Variants in VPS8 observed in about 807,000 individuals in gnomAD.
VPS8 encodes the protein vacuolar protein sorting-associated protein 8 homolog.
Under a neutral mutation model 216.4 loss-of-function variants are expected in VPS8, and 129 were observed. The observed-to-expected ratio is 0.60, with a 90% CI of 0.52 to 0.69. The LOEUF (loss-of-function observed/expected upper bound fraction) is 0.69, where lower values mean the gene tolerates loss of function less well. Among genes scored for constraint, VPS8 ranks in the 30% least tolerant of loss-of-function variants. VPS8 has a pLI of 0.00. For synonymous variants in VPS8, 571 were observed against 565.4 expected, an observed-to-expected ratio of 1.01 and a Z score of -0.14; for missense variants, 1,531 against 1,683.5, an observed-to-expected ratio of 0.91 and a Z score of 1.59.
At chr3:185,014,829 T>A (rs1438982053) in intron 45 of VPS8, among the ~76,000 whole-genome samples, 1 of 152,204 alleles carries the variant, frequency 6.6e-6, no homozygotes, top group Non-Finnish European at 1.5e-5. Context: ...AGCTAGAGCT[T>A]GGCTAGTATA....
intron 40 of VPS8, among the ~76,000 whole-genome samples, chr3:184,981,081 C>T (rs1750121286): frequency 6.6e-6 from 1 of 152,178 alleles, no homozygotes; most frequent in Non-Finnish European, 1.5e-5. Flanking sequence ...GGGGCCAAGG[C>T]TCAGCTCAGC....
intron 1 of VPS8, among the ~76,000 whole-genome samples, chr3:184,814,677 G>C (rs1715919897): frequency 6.6e-6 from 1 of 152,202 alleles, no homozygotes; most frequent in Non-Finnish European, 1.5e-5. Flanking sequence ...GGAGTTTGCA[G>C]GACTGGAAGT....
intron 29 of VPS8, among the ~76,000 whole-genome samples, chr3:184,923,444 C>T (rs909402831): frequency 6.6e-6 from 1 of 152,174 alleles, no homozygotes; most frequent in Admixed American, 6.5e-5. Context: ...TACTTAAGAG[C>T]CCTTTAGTCT....
chr3:184,893,446 A>T (rs1332031200), intron 22 of VPS8: 3 of 869,540 alleles, frequency 3.5e-6, no homozygotes, highest in African/African-American at 1.8e-5. Context: ...TGTATTTTTT[A>T]AAAAACAGAA....
chr3:184,955,852 G>A (rs1745499066), intron 36 of VPS8, among the ~76,000 whole-genome samples: 1 of 151,814 alleles, frequency 6.6e-6, no homozygotes, highest in Non-Finnish European at 1.5e-5. Context: ...ATGTGGTTGG[G>A]GACACACATA....
rs930393670 is a variant in VPS8, at chr3:184,999,843, A to T, written c.3984A>T (p.Gly1328=). 6 of 1,611,386 alleles carry T rather than the reference A, an allele frequency of 3.7e-6. No individual in the cohort carries two copies. Among genetic ancestry groups the T allele is most frequent in the Non-Finnish European group, 4.2e-6 (5 of 1,178,928 alleles). ...AAAATTCATCTGAAATTAAAAAGGG[A>T]AGGATAACCCCATCACAGGTAAGAC... ...LSENSSEIKK[G]RITPSQVKMS... is the part of the protein sequence containing the mutation. The change falls in exon 45 of 48, where the codon GGA becomes GGT. Residue 1328 remains glycine, a synonymous_variant. Transcript: ENST00000625842.
rs560478884 is a variant in VPS8 at position 185,051,966 on chromosome 3, A to G, written c.4228A>G (p.Ile1410Val). ...GCAGAGTGCTCCTGCTTTCAACAGC[A>G]TCTTCCAGAATGAGAACTTCCAGCT... ...GSQSAPAFNS[I>V]FQNENFQLQL... is the part of the protein sequence containing the mutation. The change falls in exon 48 of 48, where the codon ATC becomes GTC. Residue 1410 changes from isoleucine (I) to valine (V), a missense_variant. Physicochemically the swap from Ile to Val is conservative, Grantham distance 29. Around this residue, in one of 3 missense-constraint regions of VPS8, gnomAD observed 1,318 missense variants for 1,468.4 expected, o/e 0.90. Coordinates refer to ENST00000625842, the MANE Select transcript of VPS8 (RefSeq NM_001009921.3). The G allele has an allele frequency of 6.2e-7, 1 of 1,613,314 alleles. No individual in the cohort carries two copies. Among genetic ancestry groups the G allele is most frequent in the Non-Finnish European group, 8.5e-7 (1 of 1,179,470 alleles).
At chr3:185,031,062 CGT>C (rs1491498412) in intron 46 of VPS8, among the ~76,000 whole-genome samples, 1 of 75,238 alleles carries the variant, frequency 1.3e-5, no homozygotes, top group African/African-American at 7.4e-5. Context: ...TACAGGTTGG[CGT>C]TTTTTTTTTT....
At chr3:184,987,241 A>G (rs962106737) in intron 42 of VPS8, among the ~76,000 whole-genome samples, 3 of 151,902 alleles carry the variant, frequency 2.0e-5, no homozygotes, top group African/African-American at 4.8e-5. Context: ...AGCCTCCCAA[A>G]TGGCTGGGAT....
chr3:184,944,010 G>A lies in VPS8; in HGVS notation c.3035+3767G>A, dbSNP rs143655434. ...TCAACTACTCAGGAGGCTGAGGCAG[G>A]AGAATTGCTTGAACCTGGGAGGCAG... On this transcript the variant is annotated intron_variant, in intron 36 of 47. Transcript: ENST00000625842. Among the ~76,000 whole-genome samples the A allele has an allele frequency of 8.3e-3, 1,255 of 152,044 alleles. 10 individuals are homozygous for A. Among genetic ancestry groups the A allele is most frequent in the Middle Eastern group, 0.024 (7 of 294 alleles).
intron 36 of VPS8, among the ~76,000 whole-genome samples, chr3:184,949,821 A>C (rs561129695): frequency 6.6e-6 from 1 of 152,298 alleles, no homozygotes; most frequent in East Asian, 1.9e-4. Context: ...TGGAAAGCTG[A>C]AAGTTCAGCT....
At chr3:184,937,907 C>T (rs114178275) in intron 35 of VPS8, among the ~76,000 whole-genome samples, 1,606 of 152,220 alleles carry the variant, frequency 0.011, 34 homozygotes, top group African/African-American at 0.037. Flanking sequence ...AAATACGAAA[C>T]GGTTTCACAT....
chr3:184,849,908 G>T (rs943683726), intron 9 of VPS8, 28 bp from the exon 10 acceptor site: 14 of 1,581,496 alleles, frequency 8.9e-6, no homozygotes, highest in Non-Finnish European at 1.2e-5. Context: ...CAATAAATTT[G>T]TTTTTGAAGC....
intron 45 of VPS8, among the ~76,000 whole-genome samples, chr3:185,000,245 G>A (rs1209460141): frequency 3.9e-5 from 6 of 152,138 alleles, no homozygotes; most frequent in African/African-American, 1.4e-4. Flanking sequence ...TTTTAAGTAG[G>A]GCTGATGATG....
chr3:184,936,515 CTGTGTGTGTGTGTGTGTGTGTGTG>C (rs59011109), intron 35 of VPS8, among the ~76,000 whole-genome samples, 180 bp downstream of exon 35: 1 of 119,370 alleles, frequency 8.4e-6, no homozygotes, highest in South Asian at 3.3e-4. Flanking sequence ...CAACCTAATA[CTGTGTGTGTGTGTGTGTGTGTGTG>C]TGTGTGTGTG....
chr3:184,929,955 T>C (rs1166650659), intron 33 of VPS8, among the ~76,000 whole-genome samples: 1 of 152,126 alleles, frequency 6.6e-6, no homozygotes, highest in African/African-American at 2.4e-5. Flanking sequence ...GGGAAGGAAT[T>C]TCAGAGAAAG....
chr3:184,832,249 GA>G (rs780316217), intron 3 of VPS8, among the ~76,000 whole-genome samples: 3 of 151,946 alleles, frequency 2.0e-5, no homozygotes, highest in Non-Finnish European at 2.9e-5. Flanking sequence ...TTCCTACCCA[GA>G]ATGCCTTTCT....
At chr3:184,911,616 C>A (rs925150400) in intron 25 of VPS8, among the ~76,000 whole-genome samples, 1 of 152,194 alleles carries the variant, frequency 6.6e-6, no homozygotes, top group Non-Finnish European at 1.5e-5. Context: ...CTGCATTTTA[C>A]AGAAGGTAAT....
chr3:184,910,566 T>C (rs980192010), intron 25 of VPS8, among the ~76,000 whole-genome samples: 2 of 152,208 alleles, frequency 1.3e-5, no homozygotes, highest in Admixed American at 6.5e-5. Flanking sequence ...CTGCTTTGAG[T>C]CTTTTTCCTG....
Sources: gnomAD v4.1 joint callset for allele counts (sites outside exome capture counted in the v4.1 genomes callset) on GRCh38, gnomAD v4.1.1 for gene constraint, gnomAD v4.1.1 regional missense constraint, MANE v1.5 for transcripts, NCBI Gene and HGNC (gene_info 2026-07-23, HGNC 2026-07-21) for gene names.